TRIM36: variants seen among roughly 807,000 people sequenced by gnomAD.
The protein encoded by TRIM36 is E3 ubiquitin-protein ligase TRIM36.
Under a neutral mutation model 72.4 loss-of-function variants are expected in TRIM36, and 42 were observed. The ratio of observed to expected loss-of-function variants is 0.58; its 90% CI spans 0.45 to 0.75. The LOEUF (loss-of-function observed/expected upper bound fraction) is 0.75. Ranked by LOEUF, TRIM36 falls within the 30% of genes least tolerant of loss-of-function variation. The pLI, the probability that TRIM36 is intolerant of heterozygous loss-of-function variation, is 0.00. For missense variants in TRIM36, 913 were observed against 857.1 expected, an observed-to-expected ratio of 1.07 and a Z score of -0.81; for synonymous variants, 315 against 282.8, an observed-to-expected ratio of 1.11 and a Z score of -1.14.
intron 4 of TRIM36, among the ~76,000 whole-genome samples, chr5:115,143,246 AAAAC>A (rs1580662293): frequency 1.4e-5 from 2 of 146,480 alleles, no homozygotes; most frequent in Admixed American, 1.4e-4. Context: ...AAAAAAAAAA[AAAAC>A]AAATCTCTAA....
Position 115,176,007 on chromosome 5 carries a change from T to C in TRIM36, c.63+3968A>G, listed in dbSNP as rs946428486. ...CGGGCATGGTGGCGTGTGCCTGTAG[T>C]CCCAGCTACTAGGGAGGCTGAGGTA... On this transcript the variant is annotated intron_variant, in intron 1 of 9. Transcript: ENST00000282369. 2.6e-5 allele frequency among the ~76,000 whole-genome samples: 4 copies of C among 152,152 alleles called. No individual in the cohort carries two copies. In the South Asian group the frequency reaches 8.3e-4, roughly 32 times the overall value.
chr5:115,169,141 C>A (rs891203969), intron 1 of TRIM36: 1 of 158,190 alleles, frequency 6.3e-6, no homozygotes, highest in East Asian at 1.8e-4. Context: ...GCCCGCCCCC[C>A]GCGGGCAGGC....
chr5:115,133,412 G>A lies in TRIM36; in HGVS notation c.1498+448C>T, dbSNP rs1002034812. On this transcript the variant is annotated intron_variant, in intron 8 of 9. Transcript: ENST00000513154. ...CTTCCATCCCTATTATCTGAGAAGT[G>A]CCTAGTTAGATAAAAAAATCCAGAC... 2.0e-5 allele frequency among the ~76,000 whole-genome samples: 3 copies of A among 152,010 alleles called. No individual in the cohort carries two copies. In the South Asian group the frequency reaches 6.2e-4, roughly 31 times the overall value.
At chr5:115,140,901 G>A (rs1019574080) in intron 5 of TRIM36, among the ~76,000 whole-genome samples, 22 of 152,008 alleles carry the variant, frequency 1.4e-4, no homozygotes, top group African/African-American at 5.3e-4. Flanking sequence ...AAATAAACCT[G>A]GCCCAATCTG....
intron 2 of TRIM36, among the ~76,000 whole-genome samples, chr5:115,151,273 G>A (rs927879340): frequency 6.6e-6 from 1 of 152,122 alleles, no homozygotes; most frequent in African/African-American, 2.4e-5. Flanking sequence ...TCACTTCGCT[G>A]ACAACCTGCA....
chr5:115,144,189 G>C (rs1272361037), intron 4 of TRIM36, among the ~76,000 whole-genome samples: 1 of 152,170 alleles, frequency 6.6e-6, no homozygotes, highest in African/African-American at 2.4e-5. Context: ...TAAATGGTAA[G>C]TGTGCCACCA....
At chr5:115,137,167 C>T (rs1259342470) in intron 6 of TRIM36, 43 bp from the exon 7 acceptor site, 1 of 1,532,768 alleles carries the variant, frequency 6.5e-7, no homozygotes, top group South Asian at 1.3e-5. Context: ...TTTAAGAAGT[C>T]AAATCAGACT....
intron 1 of TRIM36, chr5:115,168,919 G>C (rs1441051412): frequency 6.6e-6 from 1 of 152,216 alleles, no homozygotes; most frequent in African/African-American, 2.4e-5. Flanking sequence ...ATAAAGCAGT[G>C]TCTTGAATCT....
upstream of TRIM36, among the ~76,000 whole-genome samples, chr5:115,174,844 G>A (rs563146299): frequency 1.1e-4 from 17 of 152,258 alleles, no homozygotes; most frequent in South Asian, 3.3e-3. Flanking sequence ...TAGCACCAGA[G>A]CAACAATTTG....
chr5:115,173,522 A>ATGTGTGTGTGTGTG (rs57515389), upstream of TRIM36, among the ~76,000 whole-genome samples: 1 of 148,412 alleles, frequency 6.7e-6, no homozygotes, highest in African/African-American at 2.5e-5. Flanking sequence ...GTGTATTTGA[A>ATGTGTGTGTGTGTG]TGTGTGTGTG....
upstream of TRIM36, among the ~76,000 whole-genome samples, chr5:115,173,113 A>G (rs1408984995): frequency 6.6e-6 from 1 of 152,154 alleles, no homozygotes; most frequent in African/African-American, 2.4e-5. Context: ...CTTTGTGTCA[A>G]GTCATCAACT....
At chr5:115,158,916 GAGAA>G (rs1326346647) in intron 2 of TRIM36, among the ~76,000 whole-genome samples, 2 of 152,190 alleles carry the variant, frequency 1.3e-5, no homozygotes, top group African/African-American at 4.8e-5. Flanking sequence ...AGAAGAAAGA[GAGAA>G]AGACAGAAAG....
intron 1 of TRIM36, among the ~76,000 whole-genome samples, chr5:115,175,657 T>C (rs1021427818): frequency 1.3e-5 from 2 of 150,838 alleles, no homozygotes; most frequent in African/African-American, 4.9e-5. Flanking sequence ...CCTTTTTTTT[T>C]CAAATTATCT....
rs777209862 is a variant in TRIM36 at position 115,163,570 on chromosome 5, T to A, written c.210A>T (p.Arg70=). 13 of 1,614,062 alleles carry A rather than the reference T, an allele frequency of 8.1e-6. No individual in the cohort carries two copies. The highest frequency in any genetic ancestry group is 8.5e-6 in the Non-Finnish European group (10 of 1,180,048). ...GSDNSNQSSP[R]LRLPSPSMDK... ...CCATACTAGGGGAGGGGAGCCGAAG[T>A]CGAGGACTGCTTTGATTGGAGTTGT... is the stretch of plus-strand genomic sequence containing the variant. Residue 70 remains arginine, a synonymous_variant, in exon 2 of 10, where the codon CGA becomes CGT. Transcript: ENST00000513154.
chr5:115,133,828 T>G (rs201360712), intron 8 of TRIM36, 32 bp downstream of exon 8: 75 of 1,541,574 alleles, frequency 4.9e-5, no homozygotes, highest in Non-Finnish European at 5.4e-5. Flanking sequence ...CAACTAACTC[T>G]ATGCTTTTTT....
chr5:115,148,081 T>C (rs1300788703), intron 2 of TRIM36, among the ~76,000 whole-genome samples: 5 of 152,192 alleles, frequency 3.3e-5, no homozygotes, highest in Non-Finnish European at 7.3e-5. Context: ...GTGCAATCTA[T>C]AGAAGAGTGA....
At chr5:115,165,149 G>A (rs911691418) in intron 1 of TRIM36, among the ~76,000 whole-genome samples, 40 of 152,188 alleles carry the variant, frequency 2.6e-4, no homozygotes, top group African/African-American at 9.6e-4. Flanking sequence ...CTGCTTTCAT[G>A]GCTGGCATTG....
At chr5:115,168,369 A>G (rs755334872) in intron 1 of TRIM36, among the ~76,000 whole-genome samples, 2 of 152,198 alleles carry the variant, frequency 1.3e-5, no homozygotes, top group African/African-American at 2.4e-5. Context: ...CCCAGACTTC[A>G]TATCTATGAA....
rs73251529 is a variant in TRIM36 at position 115,148,315 on chromosome 5, C to T, written c.263-921G>A. On this transcript the variant is annotated intron_variant, in intron 2 of 9. Transcript: ENST00000513154. Reference sequence around the variant, plus strand: ...ATCCCAATTTTAATAAATCAAGAAACCAATGCATGACAGTCCTTACCCATT... The same window carrying T: ...ATCCCAATTTTAATAAATCAAGAAATCAATGCATGACAGTCCTTACCCATT... 10,352 of 983,916 alleles carry T rather than the reference C, an allele frequency of 0.011. 914 individuals are homozygous for T. The African/African-American group carries it at 0.17, about 16-fold the overall frequency. The allele number at this position is 983,916 out of a possible 1,614,324, so 60.9% of individuals were successfully genotyped here. A position where few individuals can be genotyped will look rare whatever the true frequency, so the allele number is the denominator to read the frequency against.
Sources: allele counts gnomAD v4.1 joint callset (sites outside exome capture counted in the v4.1 genomes callset), GRCh38; gene constraint gnomAD v4.1.1; transcripts MANE v1.5; gene names NCBI Gene and HGNC (gene_info 2026-07-23, HGNC 2026-07-21).